Variants in TRPC4 observed in about 807,000 individuals in gnomAD.
TRPC4 encodes transient receptor potential cation channel subfamily C member 4, also known as short transient receptor potential channel 4.
A neutral mutation model predicts 99.4 loss-of-function variants in TRPC4; 49 were observed. The ratio of observed to expected loss-of-function variants is 0.49; its 90% CI spans 0.39 to 0.63. The LOEUF (loss-of-function observed/expected upper bound fraction) is 0.63. Ranked by LOEUF, TRPC4 falls within the 20% of genes least tolerant of loss-of-function variation. The pLI, the probability that TRPC4 is intolerant of heterozygous loss-of-function variation, is 0.00. For synonymous variants in TRPC4, 454 were observed against 425.9 expected (o/e 1.07, Z -0.81); for missense variants, 898 against 1,152.9 (o/e 0.78, Z 3.20).
At chr13:37,778,198 G>A (rs1454316324) in intron 2 of TRPC4, among the ~76,000 whole-genome samples, 1 of 152,074 alleles carries the variant, frequency 6.6e-6, no homozygotes, top group African/African-American at 2.4e-5. Flanking sequence ...ACCAGCATAT[G>A]TCTTCAGAGA....
At chr13:37,706,815 T>C (rs1954298112) in intron 3 of TRPC4, among the ~76,000 whole-genome samples, 1 of 152,194 alleles carries the variant, frequency 6.6e-6, no homozygotes, top group Admixed American at 6.6e-5. Context: ...AGTCAGAATA[T>C]TTTAAATAGT....
intron 7 of TRPC4, among the ~76,000 whole-genome samples, chr13:37,653,373 C>T (rs1952113085): frequency 6.6e-6 from 1 of 150,428 alleles, no homozygotes; most frequent in South Asian, 2.1e-4. Flanking sequence ...TTACCGATGG[C>T]TCTGAGTTAC....
chr13:37,683,383 G>T (rs1241328356), intron 4 of TRPC4, among the ~76,000 whole-genome samples: 2 of 152,096 alleles, frequency 1.3e-5, no homozygotes, highest in Non-Finnish European at 2.9e-5. Flanking sequence ...CTGTTGTGAG[G>T]TAAGTGCATA....
chr13:37,817,258 T>C (rs1415130640), intron 1 of TRPC4, among the ~76,000 whole-genome samples: 1 of 151,816 alleles, frequency 6.6e-6, no homozygotes, highest in East Asian at 1.9e-4. Flanking sequence ...ATCAGGAATG[T>C]AATCCCATTC....
intron 1 of TRPC4, among the ~76,000 whole-genome samples, chr13:37,790,067 G>A (rs1957076211): frequency 6.6e-6 from 1 of 152,186 alleles, no homozygotes; most frequent in South Asian, 2.1e-4. Context: ...AATCACAGAT[G>A]CTGGTAGAAC....
intron 5 of TRPC4, among the ~76,000 whole-genome samples, chr13:37,670,785 C>T (rs1952812462): frequency 6.6e-6 from 1 of 152,160 alleles, no homozygotes; most frequent in Non-Finnish European, 1.5e-5. Context: ...TCCCTGCCCA[C>T]ATTTTTAGGA....
chr13:37,664,153 C>T (rs1379095647), intron 5 of TRPC4, among the ~76,000 whole-genome samples: 1 of 152,024 alleles, frequency 6.6e-6, no homozygotes, highest in Non-Finnish European at 1.5e-5. Flanking sequence ...AAACTTTGAC[C>T]AGCAATTATT....
At chr13:37,768,636 A>G (rs959073127) in intron 2 of TRPC4, among the ~76,000 whole-genome samples, 5 of 149,736 alleles carry the variant, frequency 3.3e-5, no homozygotes, top group African/African-American at 1.2e-4. Context: ...CTTAACTTCT[A>G]TTTTAATGTG....
chr13:37,800,824 AAATT>A (rs1484012032), intron 1 of TRPC4, among the ~76,000 whole-genome samples: 2 of 151,932 alleles, frequency 1.3e-5, no homozygotes, highest in Non-Finnish European at 2.9e-5. Flanking sequence ...TTTATGATAC[AAATT>A]AATATGAATT....
intron 1 of TRPC4, among the ~76,000 whole-genome samples, chr13:37,868,245 T>C (rs1207128713): frequency 2.0e-5 from 3 of 152,148 alleles, no homozygotes; most frequent in African/African-American, 7.2e-5. Flanking sequence ...AACTCATATA[T>C]CTTTCAGAAT....
chr13:37,852,893 G>T (rs1284826768), intron 1 of TRPC4, among the ~76,000 whole-genome samples: 1 of 152,184 alleles, frequency 6.6e-6, no homozygotes, highest in African/African-American at 2.4e-5. Context: ...AAAAGGAGAA[G>T]GAAGAGTGGG....
intron 2 of TRPC4, among the ~76,000 whole-genome samples, chr13:37,753,743 T>C (rs1956016832): frequency 6.6e-6 from 1 of 152,134 alleles, no homozygotes; most frequent in African/African-American, 2.4e-5. Context: ...TGTTCACTTG[T>C]CTGGGATGGA....
chr13:37,658,227 T>A (rs1952308564), intron 6 of TRPC4, among the ~76,000 whole-genome samples: 1 of 152,162 alleles, frequency 6.6e-6, no homozygotes, highest in African/African-American at 2.4e-5. Flanking sequence ...AATGCTACAA[T>A]TTAATTAAGT....
chr13:37,746,695 T>C (rs866258331), intron 2 of TRPC4, among the ~76,000 whole-genome samples: 3 of 151,936 alleles, frequency 2.0e-5, no homozygotes, highest in Non-Finnish European at 4.4e-5. Flanking sequence ...TTTTACAGCA[T>C]CTTAAAATAG....
At chr13:37,751,870 C>A (rs1034735993) in intron 2 of TRPC4, among the ~76,000 whole-genome samples, 4 of 151,340 alleles carry the variant, frequency 2.6e-5, no homozygotes, top group Admixed American at 2.0e-4. Context: ...TACTTCAAAT[C>A]CAACATCATG....
chr13:37,768,444 G>A (rs1042711416), intron 2 of TRPC4, among the ~76,000 whole-genome samples: 1 of 151,416 alleles, frequency 6.6e-6, no homozygotes, highest in Admixed American at 6.6e-5. Flanking sequence ...TGGAATGATG[G>A]CTTTCCTTTT....
chr13:37,788,701 C>T (rs1593745772), intron 1 of TRPC4, among the ~76,000 whole-genome samples: 1 of 152,134 alleles, frequency 6.6e-6, no homozygotes, highest in South Asian at 2.1e-4. Flanking sequence ...CTTTATCTAT[C>T]ACTCTCCCTA....
chr13:37,812,396 C>T (rs1038672344), intron 1 of TRPC4, among the ~76,000 whole-genome samples: 1 of 151,390 alleles, frequency 6.6e-6, no homozygotes, highest in African/African-American at 2.4e-5. Flanking sequence ...CTAAACTCAC[C>T]TAGAACTCAC....
At chr13:37,762,883 TA>T (rs931548318) in intron 2 of TRPC4, among the ~76,000 whole-genome samples, 10 of 150,634 alleles carry the variant, frequency 6.6e-5, no homozygotes, top group South Asian at 2.1e-4. Context: ...TAAAATAAAA[TA>T]AAAAAAAGAC....
Sources: allele counts gnomAD v4.1 joint callset (sites outside exome capture counted in the v4.1 genomes callset), GRCh38; gene constraint gnomAD v4.1.1; transcripts MANE v1.5; gene names NCBI Gene and HGNC (gene_info 2026-07-23, HGNC 2026-07-21).